Variants in INSL6 observed in about 807,000 individuals in gnomAD.
INSL6 encodes the protein insulin-like peptide INSL6.
Under a neutral mutation model 9.4 loss-of-function variants are expected in INSL6, and 16 were observed. The observed-to-expected ratio is 1.70, with a 90% confidence interval of 1.15 to 2.59. The LOEUF (loss-of-function observed/expected upper bound fraction) is 2.59. Among genes scored for constraint, INSL6 ranks in the 30% most tolerant of loss-of-function variants. INSL6 has a pLI of 0.00. For missense variants in INSL6, 391 were observed against 257.3 expected (o/e 1.52, Z -3.56); for synonymous variants, 154 against 96.9 (o/e 1.59, Z -3.46).
At chr9:5,085,720 T>C in the INSL6 span, 6 of 751,888 alleles carry the variant, frequency 8.0e-6, no homozygotes, top group Non-Finnish European at 1.5e-5. Context: ...GTGTGGATCA[T>C]TTCTGCAATT....
chr9:5,081,635 C>G, the INSL6 span: 2 of 843,304 alleles, frequency 2.4e-6, no homozygotes, highest in African/African-American at 1.7e-5. Flanking sequence ...TTTTAACTCA[C>G]GATTATTTTG....
chr9:5,144,554 T>C (rs1453632849), intron 2 of INSL6, among the ~76,000 whole-genome samples: 1 of 152,224 alleles, frequency 6.6e-6, no homozygotes. Flanking sequence ...ATTTTCTGTC[T>C]TGATGATCTA....
At chr9:5,037,777 A>G in the INSL6 span, among the ~76,000 whole-genome samples, 22 of 152,218 alleles carry the variant, frequency 1.4e-4, no homozygotes, top group Non-Finnish European at 4.4e-5. Context: ...TACTGGGTGC[A>G]GCACACCAAC....
chr9:5,176,980 T>C (rs771940801), intron 1 of INSL6, among the ~76,000 whole-genome samples: 8 of 152,152 alleles, frequency 5.3e-5, no homozygotes, highest in Non-Finnish European at 1.0e-4. Context: ...TGTAAAAGTT[T>C]CCATAAAGAA....
chr9:5,088,038 C>T, the INSL6 span, among the ~76,000 whole-genome samples: 1 of 152,092 alleles, frequency 6.6e-6, no homozygotes, highest in Non-Finnish European at 1.5e-5. Context: ...AAACTTATTT[C>T]CTACTTTTGT....
the INSL6 span, among the ~76,000 whole-genome samples, chr9:5,047,744 T>C: frequency 2.0e-5 from 3 of 152,146 alleles, no homozygotes; most frequent in African/African-American, 7.2e-5. Flanking sequence ...TACAGGTGTG[T>C]GCCACTATGC....
At chr9:5,139,083 T>A (rs1461872190) in intron 2 of INSL6, among the ~76,000 whole-genome samples, 2 of 152,162 alleles carry the variant, frequency 1.3e-5, no homozygotes, top group Non-Finnish European at 2.9e-5. Context: ...AGAACATTTT[T>A]GAGAAATAGG....
At chr9:5,164,528 A>T (rs1447892784) in intron 1 of INSL6, among the ~76,000 whole-genome samples, 18 of 152,252 alleles carry the variant, frequency 1.2e-4, no homozygotes, top group Admixed American at 1.2e-3. Flanking sequence ...GTCATTTTAA[A>T]GAATACAATT....
intron 3 of INSL6, among the ~76,000 whole-genome samples, chr9:5,130,828 A>C (rs1044579926): frequency 6.0e-4 from 90 of 150,314 alleles, no homozygotes; most frequent in African/African-American, 2.1e-3. Flanking sequence ...TCCCGGGTTC[A>C]TGCCATTCTC....
At chr9:5,085,775 A>G in the INSL6 span, 8 of 754,384 alleles carry the variant, frequency 1.1e-5, no homozygotes, top group Admixed American at 5.2e-5. Context: ...GGGAGTTATT[A>G]TGATGAATAT....
chr9:5,041,697 G>T, the INSL6 span: 1 of 506,720 alleles, frequency 2.0e-6, no homozygotes, highest in South Asian at 1.5e-5. Context: ...AAGCGGCTTC[G>T]TGTTCGACTC....
chr9:5,033,060 T>C, the INSL6 span, among the ~76,000 whole-genome samples: 33 of 152,246 alleles, frequency 2.2e-4, no homozygotes, highest in Non-Finnish European at 2.2e-4. Flanking sequence ...AAGGACCTGA[T>C]GGAGCTGAAA....
intron 2 of INSL6, among the ~76,000 whole-genome samples, chr9:5,156,900 A>T (rs1005830475): frequency 7.2e-5 from 11 of 152,102 alleles, no homozygotes; most frequent in African/African-American, 2.7e-4. Flanking sequence ...CAATAGCATT[A>T]AAAAAATAAA....
chr9:5,038,976 T>A, the INSL6 span, among the ~76,000 whole-genome samples: 3 of 152,018 alleles, frequency 2.0e-5, no homozygotes, highest in Non-Finnish European at 2.9e-5. Flanking sequence ...ATAAAAAAAC[T>A]CAACACAATA....
chr9:5,094,814 A>G, the INSL6 span: 2 of 152,264 alleles, frequency 1.3e-5, no homozygotes, highest in Non-Finnish European at 2.9e-5. Context: ...ACTACACACT[A>G]TGTATTCACC....
At position 5,164,144 on chromosome 9, in the gene INSL6, G is replaced by A. The variant is rs138357655; in HGVS notation, c.411C>T (p.Ile137=). 2.1e-4 allele frequency: 333 copies of A among 1,607,644 alleles called. 2 individuals carry two copies. In the African/African-American group the frequency reaches 3.9e-3, roughly 19 times the overall value. Residue 137 remains isoleucine (I), a synonymous_variant, in exon 2 of 2, where the codon ATC becomes ATT. Coordinates refer to ENST00000381641, the MANE Select transcript of INSL6 (RefSeq NM_007179.3). ...TTGCATTCTCATGAATATATACATT[G>A]ATATTATGTGATGAAGAAAATTCTC... ...KTREFSSSHN[I]NVYIHENAKF...
the INSL6 span, chr9:5,109,365 G>T: frequency 6.6e-6 from 1 of 152,062 alleles, no homozygotes; most frequent in Non-Finnish European, 1.5e-5. Flanking sequence ...TATCTACCAA[G>T]AAAGTATGCA....
At chr9:5,060,152 G>A in the INSL6 span, among the ~76,000 whole-genome samples, 64 of 152,230 alleles carry the variant, frequency 4.2e-4, no homozygotes, top group African/African-American at 1.4e-3. Flanking sequence ...ACACTTTATT[G>A]CTAAAAAATC....
chr9:5,156,594 TA>T (rs1191666962), intron 2 of INSL6, among the ~76,000 whole-genome samples: 16 of 152,262 alleles, frequency 1.1e-4, no homozygotes, highest in African/African-American at 3.8e-4. Context: ...TTCAGCTAGA[TA>T]AAATGTATCT....
Sources: gnomAD v4.1 joint callset for allele counts (sites outside exome capture counted in the v4.1 genomes callset) on GRCh38, gnomAD v4.1.1 for gene constraint, MANE v1.5 for transcripts, NCBI Gene and HGNC (gene_info 2026-07-23, HGNC 2026-07-21) for gene names.